Variants in LRMDA observed in about 807,000 individuals in gnomAD.
LRMDA encodes the protein leucine rich melanocyte differentiation associated, also known as leucine-rich melanocyte differentiation-associated protein.
LRMDA carries 18 observed loss-of-function variants against 29.8 expected under a neutral mutation model. That is an observed-to-expected ratio of 0.60 (90% CI 0.42 to 0.90). The LOEUF is 0.90. Ranked by LOEUF, LRMDA falls within the 40% of genes least tolerant of loss-of-function variation. LRMDA has a pLI of 0.00. For missense variants in LRMDA, 273 were observed against 273.9 expected (o/e 1.00, Z 0.02); for synonymous variants, 125 against 109.4 (o/e 1.14, Z -0.89).
Position 75,690,992 on chromosome 10 carries a change from T to TACACACAC in LRMDA, c.131+252499_131+252500insCACACACA, listed in dbSNP as rs1280785863. 5.5e-3 allele frequency among the ~76,000 whole-genome samples: 514 copies of TACACACAC among 94,026 alleles called. 12 individuals are homozygous for TACACACAC. The highest frequency in any genetic ancestry group is 6.6e-3 in the Non-Finnish European group (328 of 49,480). The allele number at this position is 94,026 out of a possible 152,430, so 61.7% of individuals were successfully genotyped here. A position where few individuals can be genotyped will look rare whatever the true frequency, so the allele number is the denominator to read the frequency against. On this transcript the variant is annotated intron_variant, in intron 2 of 6. Transcript: ENST00000611255. ...CTTAAAAAAAAAATATATATATATA[T>TACACACAC]ATACACACACACACACACACACACA...
intron 2 of LRMDA, among the ~76,000 whole-genome samples, chr10:75,581,098 A>T (rs1041551532): frequency 1.3e-5 from 2 of 152,242 alleles, no homozygotes; most frequent in Admixed American, 6.5e-5. Flanking sequence ...GAGCATCTGC[A>T]CAGGAAAAGA....
chr10:76,074,118 T>C (rs1021085707), intron 5 of LRMDA, among the ~76,000 whole-genome samples: 1 of 152,238 alleles, frequency 6.6e-6, no homozygotes, highest in Non-Finnish European at 1.5e-5. Flanking sequence ...TTATTTCTCT[T>C]AAATCTATCC....
intron 2 of LRMDA, among the ~76,000 whole-genome samples, chr10:75,595,540 AGTAT>A (rs1399263445): frequency 1.3e-5 from 2 of 149,700 alleles, no homozygotes; most frequent in Non-Finnish European, 3.0e-5. Flanking sequence ...GTATATTATG[AGTAT>A]GTATTTTATA....
At chr10:76,017,450 TTGG>T (rs1350991779) in intron 2 of LRMDA, among the ~76,000 whole-genome samples, 4 of 152,254 alleles carry the variant, frequency 2.6e-5, no homozygotes, top group African/African-American at 9.6e-5. Flanking sequence ...AGCCACCCAG[TTGG>T]TGGTACTTTG....
At chr10:75,839,568 G>A (rs1414713360) in intron 2 of LRMDA, among the ~76,000 whole-genome samples, 1 of 145,182 alleles carries the variant, frequency 6.9e-6, no homozygotes, top group East Asian at 2.0e-4. Flanking sequence ...CACTCATCTT[G>A]CAGTAGCTCT....
At chr10:76,293,849 C>T (rs1451080216) in intron 5 of LRMDA, among the ~76,000 whole-genome samples, 3 of 152,220 alleles carry the variant, frequency 2.0e-5, no homozygotes, top group Non-Finnish European at 2.9e-5. Context: ...AATCTGTTTA[C>T]TCTCTGGTTT....
At chr10:75,847,921 C>G (rs1844668229) in intron 2 of LRMDA, among the ~76,000 whole-genome samples, 1 of 152,138 alleles carries the variant, frequency 6.6e-6, no homozygotes, top group South Asian at 2.1e-4. Flanking sequence ...ACCTGTACTG[C>G]TAAGGATATG....
intron 2 of LRMDA, chr10:75,451,171 A>G (rs1264845203): frequency 1.3e-5 from 2 of 152,210 alleles, no homozygotes; most frequent in Non-Finnish European, 2.9e-5. Context: ...GCTGCTGTTT[A>G]ATTGATTCAC....
At chr10:75,791,333 A>G (rs934138834) in intron 2 of LRMDA, among the ~76,000 whole-genome samples, 1 of 152,218 alleles carries the variant, frequency 6.6e-6, no homozygotes, top group Non-Finnish European at 1.5e-5. Flanking sequence ...AAAGAACTAA[A>G]TGTTGGCAAT....
At chr10:75,680,226 A>G (rs980036520) in intron 2 of LRMDA, among the ~76,000 whole-genome samples, 5 of 152,262 alleles carry the variant, frequency 3.3e-5, no homozygotes, top group Admixed American at 3.3e-4. Context: ...ATGGAATAAC[A>G]TCGTATCCTC....
chr10:76,019,148 C>A (rs1386594283), intron 2 of LRMDA, among the ~76,000 whole-genome samples: 1 of 152,158 alleles, frequency 6.6e-6, no homozygotes, highest in Non-Finnish European at 1.5e-5. Context: ...CCGGGTGCAG[C>A]TCACTGTGGT....
At chr10:76,112,020 T>A (rs1234090951) in intron 5 of LRMDA, among the ~76,000 whole-genome samples, 1 of 152,102 alleles carries the variant, frequency 6.6e-6, no homozygotes, top group Non-Finnish European at 1.5e-5. Flanking sequence ...GAGAAGCACA[T>A]TATGGGAGGT....
chr10:75,924,764 G>A (rs144762792), intron 2 of LRMDA, among the ~76,000 whole-genome samples: 65 of 152,220 alleles, frequency 4.3e-4, no homozygotes, highest in African/African-American at 1.1e-3. Context: ...AGAGAGCAGC[G>A]CGGAGAGCAC....
chr10:76,098,958 G>A (rs924977018), intron 5 of LRMDA, among the ~76,000 whole-genome samples: 8 of 152,202 alleles, frequency 5.3e-5, no homozygotes, highest in African/African-American at 1.9e-4. Flanking sequence ...AGATGAGCCA[G>A]TTTATCAATC....
At chr10:75,734,377 T>C (rs1842735500) in intron 2 of LRMDA, among the ~76,000 whole-genome samples, 1 of 152,112 alleles carries the variant, frequency 6.6e-6, no homozygotes, top group South Asian at 2.1e-4. Context: ...CCCCGCCATG[T>C]TTAGCCTCTG....
intron 2 of LRMDA, among the ~76,000 whole-genome samples, chr10:75,563,418 G>C (rs1035206086): frequency 1.3e-5 from 2 of 152,180 alleles, no homozygotes; most frequent in Middle Eastern, 6.8e-3. Flanking sequence ...GGTTATGCTA[G>C]TTATACATTT....
intron 2 of LRMDA, among the ~76,000 whole-genome samples, chr10:75,474,075 A>G (rs1202110407): frequency 6.6e-6 from 1 of 152,208 alleles, no homozygotes; most frequent in Non-Finnish European, 1.5e-5. Context: ...AATATCATCT[A>G]GAACATGCAG....
chr10:76,342,356 G>A (rs1038456137), intron 6 of LRMDA, among the ~76,000 whole-genome samples: 2 of 151,990 alleles, frequency 1.3e-5, no homozygotes, highest in Admixed American at 1.3e-4. Context: ...CATTACCTAT[G>A]AGAATGTATA....
intron 2 of LRMDA, among the ~76,000 whole-genome samples, chr10:75,490,926 A>T (rs971029708): frequency 9.9e-5 from 15 of 152,134 alleles, no homozygotes; most frequent in African/African-American, 3.6e-4. Context: ...CTCCCATCTG[A>T]TTCCTTGTAT....
Sources: gnomAD v4.1 joint callset for allele counts (sites outside exome capture counted in the v4.1 genomes callset) on GRCh38, gnomAD v4.1.1 for gene constraint, MANE v1.5 for transcripts, NCBI Gene and HGNC (gene_info 2026-07-23, HGNC 2026-07-21) for gene names.